Variants in EHMT2 observed in about 807,000 individuals in gnomAD.
EHMT2 encodes euchromatic histone lysine methyltransferase 2.
EHMT2 carries 59 observed loss-of-function variants against 143.3 expected under a neutral mutation model. The ratio of observed to expected loss-of-function variants is 0.41; its 90% CI spans 0.33 to 0.51. EHMT2 has a LOEUF of 0.51. Ranked by LOEUF, EHMT2 falls within the 20% of genes least tolerant of loss-of-function variation. The probability of loss-of-function intolerance (pLI) is 0.18; values close to 1 mark genes in which losing one functional copy is unlikely to be tolerated. For missense variants in EHMT2, 1,174 were observed against 1,645.9 expected (o/e 0.71, Z 4.96); for synonymous variants, 604 against 651.5 (o/e 0.93, Z 1.11).
In EHMT2 at chr6:31,889,187, CG is replaced by C; in HGVS notation, c.1114+40del. The C allele has an allele frequency of 6.4e-7, 1 of 1,567,460 alleles. No individual in the cohort carries two copies. Among genetic ancestry groups the C allele is most frequent in the Non-Finnish European group, 8.7e-7 (1 of 1,155,264 alleles). ...CGTGCACACACTCTGGGGGGCCGGGCGGGGGCTGGAGGGCACCCAAAAGCAG... is the reference window on the plus strand; with the variant it reads ...CGTGCACACACTCTGGGGGGCCGGGCGGGGCTGGAGGGCACCCAAAAGCAG... On this transcript the variant is annotated intron_variant, in intron 9 of 27. Transcript: ENST00000375537. This position sits in a 1 kb window ranked among gnomAD's most constrained non-coding sequence, Gnocchi z 5.1.
At chr6:31,897,159 C>G in intron 1 of EHMT2, 170 bp from the exon 2 acceptor site, 1 of 1,348,034 alleles carries the variant, frequency 7.4e-7, no homozygotes, top group East Asian at 3.0e-5. Flanking sequence ...ACGACCCCTC[C>G]CCCGGGCCCG....
intron 4 of EHMT2, chr6:31,895,876 G>A (rs1766342554): frequency 5.2e-6 from 1 of 191,310 alleles, no homozygotes; most frequent in Admixed American, 5.9e-5. Context: ...TTATTTCTGT[G>A]GCCCTCATCT....
At chr6:31,896,797 C>T (rs766340842) in exon 3 of EHMT2, 12 of 1,612,886 alleles carry the variant, frequency 7.4e-6, no homozygotes, top group Non-Finnish European at 1.0e-5. Flanking sequence ...TTCTTCACTA[C>T]GAGGGGTGTC....
At position 31,889,729 on chromosome 6, in the gene EHMT2, A is replaced by G; in HGVS notation, c.865-127T>C. The G allele has an allele frequency of 8.3e-7, 1 of 1,201,236 alleles. No individual in the cohort carries two copies. The allele number at this position is 1,201,236 out of a possible 1,614,324, so 74.4% of individuals were successfully genotyped here. A position where few individuals can be genotyped will look rare whatever the true frequency, so the allele number is the denominator to read the frequency against. On this transcript the variant is annotated intron_variant, in intron 7 of 27. Transcript: ENST00000375537. This position sits in a 1 kb window ranked among gnomAD's most constrained non-coding sequence, Gnocchi z 5.1. ...ATGGCTGCTGGGGATAAGTGTGGGT[A>G]GCAGAGGAGACAAAGGGCCACATAA... is the stretch of plus-strand genomic sequence containing the variant.
chr6:31,886,467 A>C, intron 18 of EHMT2, 114 bp downstream of exon 18: 1 of 784,694 alleles, frequency 1.3e-6, no homozygotes. Flanking sequence ...AGCAATGAGG[A>C]CAGACACGAG....
intron 7 of EHMT2, among the ~76,000 whole-genome samples, chr6:31,891,473 G>A (rs1765677790): frequency 6.6e-6 from 1 of 152,164 alleles, no homozygotes; most frequent in Non-Finnish European, 1.5e-5. Flanking sequence ...AATGATATGA[G>A]GTCTGGGATT....
chr6:31,897,297 T>G, intron 1 of EHMT2: 4 of 674,186 alleles, frequency 5.9e-6, no homozygotes, highest in Non-Finnish European at 8.3e-6. Flanking sequence ...TCCCCCTTTG[T>G]CCCCCAGGCC....
Position 31,883,562 on chromosome 6 carries a change from G to T in EHMT2, c.2917-123C>A. The T allele has an allele frequency of 9.0e-7, 1 of 1,108,506 alleles. No individual in the cohort carries two copies. Among genetic ancestry groups the T allele is most frequent in the East Asian group, 2.6e-5 (1 of 39,148 alleles). 68.7% of individuals were successfully genotyped at this position (1,108,506 alleles called of 1,614,324 possible). On this transcript the variant is annotated intron_variant, in intron 22 of 27. Transcript: ENST00000375537. This position sits in a 1 kb window ranked among gnomAD's most constrained non-coding sequence, Gnocchi z 5.6. Reference sequence around the variant, plus strand: ...GGGTCCATGTGTTACAACAGTGGGTGGTGATGGTCCTAGGGTGACGGGTAA... The same window carrying T: ...GGGTCCATGTGTTACAACAGTGGGTTGTGATGGTCCTAGGGTGACGGGTAA...
rs773420520 is a variant in EHMT2 at position 31,884,670 on chromosome 6, G to T, written c.2578C>A (p.Arg860=). ...AGCACGCAGTCATGGTAGCTCTCCC[G>T]AGCTGCGATGTGCAGGGGGGTGTCC... The change falls in exon 20 of 28, where the codon CGG becomes AGG. Residue 860 remains arginine, a synonymous_variant. Coordinates refer to ENST00000375537, the Ensembl canonical transcript of EHMT2. This position sits in a 1 kb window ranked among gnomAD's most constrained non-coding sequence, Gnocchi z 7.3. 1.1e-5 allele frequency: 18 copies of T among 1,581,314 alleles called. No homozygotes were observed. The highest frequency in any genetic ancestry group is 1.6e-5 in the Non-Finnish European group (18 of 1,160,206).
chr6:31,896,539 G>A (rs766124599), intron 3 of EHMT2, 23 bp from the exon 4 acceptor site: 1 of 1,610,700 alleles, frequency 6.2e-7, no homozygotes, highest in Admixed American at 1.7e-5. Flanking sequence ...CAAGCAAAAG[G>A]CAAGATAAGA....
rs771116236 is a variant in EHMT2 at position 31,892,928 on chromosome 6, G to A, written c.583-18C>T. The A allele has an allele frequency of 1.6e-5, 25 of 1,538,128 alleles. No homozygotes were observed. The highest frequency in any genetic ancestry group is 2.2e-5 in the Non-Finnish European group (25 of 1,138,782). ...ACCGGGGGCTGTGGGCCGAGAGGGA[G>A]CACACTGAGGGTCAGAGAGCACCTA... On this transcript the variant is annotated intron_variant, in intron 4 of 27. Coordinates refer to ENST00000375537, the Ensembl canonical transcript of EHMT2.
chr6:31,895,189 C>T (rs950102115), intron 4 of EHMT2, among the ~76,000 whole-genome samples: 9 of 152,186 alleles, frequency 5.9e-5, no homozygotes, highest in African/African-American at 2.2e-4. Context: ...TGCCTGGAGG[C>T]AACTGCTTAA....
At chr6:31,893,027 G>A in intron 4 of EHMT2, 117 bp from the exon 5 acceptor site, 1 of 633,830 alleles carries the variant, frequency 1.6e-6, no homozygotes, top group Non-Finnish European at 2.7e-6. Context: ...TGCCATGTGA[G>A]GCTCCAGTAG....
intron 4 of EHMT2, chr6:31,893,541 G>A: frequency 3.6e-6 from 1 of 275,458 alleles, no homozygotes; most frequent in South Asian, 3.1e-5. Context: ...TGCCCAGGCT[G>A]GTCTTGAACT....
rs769363360 is a variant in EHMT2 at position 31,888,538 on chromosome 6, C to A, written c.1366-32G>T. ...GCAGTGAGGATGGGTGAGAAGAGAG[C>A]GTGAGGCTGGGGCCGGGGACTGGAC... On this transcript the variant is annotated intron_variant, in intron 11 of 27. Transcript: ENST00000375537. This position sits in a 1 kb window ranked among gnomAD's most constrained non-coding sequence, Gnocchi z 7.4. 6.2e-7 allele frequency: 1 copy of A among 1,609,870 alleles called. No individual in the cohort carries two copies. Among genetic ancestry groups the A allele is most frequent in the African/African-American group, 1.3e-5 (1 of 75,002 alleles).
At chr6:31,887,811 C>T in exon 14 of EHMT2, 1 of 1,605,612 alleles carries the variant, frequency 6.2e-7, no homozygotes, top group Non-Finnish European at 8.5e-7. Context: ...GGGCCTTTTC[C>T]AGGGCCTCCC....
At chr6:31,897,318 C>T in intron 1 of EHMT2, 3 of 544,044 alleles carry the variant, frequency 5.5e-6, no homozygotes, top group Non-Finnish European at 8.3e-6. Context: ...GCGGGGACCC[C>T]GGGCACCAAC....
At chr6:31,897,553 A>AC in intron 1 of EHMT2, 83 bp downstream of exon 1, 2 of 1,032,550 alleles carry the variant, frequency 1.9e-6, no homozygotes, top group Non-Finnish European at 2.3e-6. Context: ...GCCCCGTTGC[A>AC]CCCCCGGAGC....
rs1764514908 is a variant in EHMT2, at chr6:31,884,315, G to A, written c.2771+77C>T. ...ATGGGGAGGGGTTGGGGAATGTTGTGAGGATGCAATGGAGCCTGGGGAGGG... is the reference window on the plus strand; with the variant it reads ...ATGGGGAGGGGTTGGGGAATGTTGTAAGGATGCAATGGAGCCTGGGGAGGG... On this transcript the variant is annotated intron_variant, in intron 21 of 27. Coordinates refer to ENST00000375537, the Ensembl canonical transcript of EHMT2. The surrounding 1 kb of genome is among the most constrained non-coding windows in gnomAD (Gnocchi z 7.3). 1 of 1,505,174 alleles carries A rather than the reference G, an allele frequency of 6.6e-7. No individual in the cohort carries two copies. The highest frequency in any genetic ancestry group is 1.2e-5 in the South Asian group (1 of 80,618). 93.2% of individuals were successfully genotyped at this position (1,505,174 alleles called of 1,614,324 possible).
Sources: gnomAD v4.1 joint callset for allele counts (sites outside exome capture counted in the v4.1 genomes callset) on GRCh38, gnomAD v4.1.1 for gene constraint, Gnocchi (gnomAD v3.1) non-coding constraint, MANE v1.5 for transcripts, NCBI Gene and HGNC (gene_info 2026-07-23, HGNC 2026-07-21) for gene names.